Variants in KAZN observed in about 807,000 individuals in gnomAD.
KAZN encodes kazrin, periplakin interacting protein, also known as kazrin.
A neutral mutation model predicts 87.4 loss-of-function variants in KAZN; 40 were observed. The ratio of observed to expected loss-of-function variants is 0.46; its 90% CI spans 0.36 to 0.60. KAZN has a LOEUF of 0.60. KAZN is among the 20% of genes least tolerant of loss of function. The pLI is 0.00. For synonymous variants in KAZN, 466 were observed against 458.3 expected (o/e 1.02, Z -0.22); for missense variants, 898 against 1,073.9 (o/e 0.84, Z 2.29).
intron 2 of KAZN, among the ~76,000 whole-genome samples, chr1:14,311,787 T>C (rs773217344): frequency 3.9e-5 from 6 of 152,018 alleles, no homozygotes; most frequent in Non-Finnish European, 8.8e-5. Flanking sequence ...AATAGAAAGA[T>C]ACAGGGAATA....
chr1:14,855,787 T>G (rs775082726), intron 1 of KAZN, among the ~76,000 whole-genome samples: 1 of 152,186 alleles, frequency 6.6e-6, no homozygotes, highest in Non-Finnish European at 1.5e-5. Context: ...ACATGGGGAA[T>G]AGCAGGGTTG....
intron 1 of KAZN, among the ~76,000 whole-genome samples, chr1:14,013,438 A>C (rs1390964405): frequency 6.6e-6 from 1 of 152,134 alleles, no homozygotes; most frequent in Non-Finnish European, 1.5e-5. Context: ...TTTTAACCCC[A>C]AAATGACAAC....
At chr1:14,922,320 C>G (rs769987059) in intron 1 of KAZN, among the ~76,000 whole-genome samples, 1 of 152,116 alleles carries the variant, frequency 6.6e-6, no homozygotes, top group African/African-American at 2.4e-5. Context: ...CAAGGGCATT[C>G]CTAGCTTCTC....
In KAZN at chr1:14,769,596, C is replaced by T. The variant is rs1057217226; in HGVS notation, c.226+170373C>T. 2.6e-5 allele frequency among the ~76,000 whole-genome samples: 4 copies of T among 152,150 alleles called. No individual in the cohort carries two copies. In the South Asian group the frequency reaches 8.3e-4, roughly 32 times the overall value. On this transcript the variant is annotated intron_variant, in intron 1 of 14. Coordinates refer to ENST00000376030, the MANE Select transcript of KAZN (RefSeq NM_201628.3). The surrounding 1 kb of genome is among the most constrained non-coding windows in gnomAD (Gnocchi z 4.1). ...TTCAAACTTATGACCTCAGGTGATC[C>T]ACCTGCCTCAGCCTCCCAAAGTCCT...
chr1:13,910,498 C>T (rs887094783), intron 1 of KAZN, among the ~76,000 whole-genome samples: 7 of 151,468 alleles, frequency 4.6e-5, no homozygotes, highest in Non-Finnish European at 8.8e-5. Context: ...CAGAGTGAGA[C>T]TCTGTCTAAA....
chr1:14,545,939 A>C (rs986259796), intron 2 of KAZN, among the ~76,000 whole-genome samples: 1 of 152,180 alleles, frequency 6.6e-6, no homozygotes, highest in Non-Finnish European at 1.5e-5. Context: ...GTATGATCCT[A>C]CCATGTCCCT....
At chr1:14,519,814 C>G (rs1671489154) in intron 2 of KAZN, among the ~76,000 whole-genome samples, 1 of 151,998 alleles carries the variant, frequency 6.6e-6, no homozygotes, top group Non-Finnish European at 1.5e-5. Flanking sequence ...CTGGCATGAC[C>G]CAGCAGCAGG....
chr1:14,380,182 T>C (rs947330115), intron 2 of KAZN, among the ~76,000 whole-genome samples: 2 of 152,188 alleles, frequency 1.3e-5, no homozygotes, highest in African/African-American at 4.8e-5. Context: ...TGCCCCCTAA[T>C]GCAGATATGA....
rs530552306 is a variant in KAZN, at chr1:14,446,255, G to A, written c.250-152728G>A. On this transcript the variant is annotated intron_variant, in intron 2 of 16. Transcript: ENST00000636203. ...AATGCTGCGTGCTAATTTGAGCAGGGGAATGACAGCATTGGCCACACACAA... is the reference window on the plus strand; with the variant it reads ...AATGCTGCGTGCTAATTTGAGCAGGAGAATGACAGCATTGGCCACACACAA... Among the ~76,000 whole-genome samples the A allele has an allele frequency of 6.7e-4, 102 of 152,080 alleles. 1 individual carries two copies. Among genetic ancestry groups the A allele is most frequent in the African/African-American group, 2.3e-3 (95 of 41,454 alleles).
intron 1 of KAZN, among the ~76,000 whole-genome samples, chr1:14,671,844 T>C (rs1639934862): frequency 6.6e-6 from 1 of 152,258 alleles, no homozygotes; most frequent in Non-Finnish European, 1.5e-5. Context: ...CCTTAATTTA[T>C]GTGTCTGCAT....
At chr1:14,657,077 C>CTTTTTTTT (rs35046893) in intron 1 of KAZN, among the ~76,000 whole-genome samples, 1 of 83,340 alleles carries the variant, frequency 1.2e-5, no homozygotes, top group Non-Finnish European at 2.3e-5. Flanking sequence ...AAGAGAGAGG[C>CTTTTTTTT]TTTTTTTTTT....
chr1:13,976,486 C>T (rs978363965), intron 1 of KAZN, among the ~76,000 whole-genome samples: 2 of 151,640 alleles, frequency 1.3e-5, no homozygotes, highest in African/African-American at 4.9e-5. Flanking sequence ...GTAAGAAAGC[C>T]ATCATATTAA....
At chr1:14,814,486 T>C (rs1646507848) in intron 1 of KAZN, among the ~76,000 whole-genome samples, 1 of 152,210 alleles carries the variant, frequency 6.6e-6, no homozygotes, top group Non-Finnish European at 1.5e-5. Context: ...AGTGCTGGGA[T>C]TGCAGGCGTG....
intron 1 of KAZN, among the ~76,000 whole-genome samples, chr1:13,959,926 A>G (rs1305848286): frequency 6.6e-6 from 1 of 152,194 alleles, no homozygotes; most frequent in East Asian, 1.9e-4. Context: ...TGCAGTGGGC[A>G]CTGCATTTGG....
chr1:13,936,199 C>T (rs988702601), intron 1 of KAZN, among the ~76,000 whole-genome samples: 2 of 149,840 alleles, frequency 1.3e-5, no homozygotes, highest in African/African-American at 2.5e-5. Context: ...CAGGTTCAAG[C>T]GATTCTCGTG....
intron 1 of KAZN, among the ~76,000 whole-genome samples, chr1:14,788,400 G>C (rs1338387171): frequency 6.6e-6 from 1 of 152,184 alleles, no homozygotes; most frequent in Admixed American, 6.5e-5. Context: ...AATGAATTGT[G>C]ATTAACCACA....
intron 1 of KAZN, among the ~76,000 whole-genome samples, chr1:14,144,756 G>A (rs142089558): frequency 1.1e-3 from 173 of 152,326 alleles, no homozygotes; most frequent in African/African-American, 4.1e-3. Flanking sequence ...AAAGTGGAAG[G>A]AGAGCCCAGT....
intron 1 of KAZN, among the ~76,000 whole-genome samples, chr1:14,083,400 G>A (rs1246395215): frequency 2.0e-5 from 3 of 152,194 alleles, no homozygotes; most frequent in Non-Finnish European, 4.4e-5. Flanking sequence ...TTACTTGCCA[G>A]CTGTGTGCCT....
intron 2 of KAZN, among the ~76,000 whole-genome samples, chr1:14,998,507 C>A (rs1019112656): frequency 6.6e-6 from 1 of 152,042 alleles, no homozygotes; most frequent in Non-Finnish European, 1.5e-5. Flanking sequence ...CTCATAATAC[C>A]CTATGATGGA....
Sources: gnomAD v4.1 joint callset for allele counts (sites outside exome capture counted in the v4.1 genomes callset) on GRCh38, gnomAD v4.1.1 for gene constraint, Gnocchi (gnomAD v3.1) non-coding constraint, MANE v1.5 for transcripts, NCBI Gene and HGNC (gene_info 2026-07-23, HGNC 2026-07-21) for gene names.